OR7C1: variants seen among roughly 807,000 people sequenced by gnomAD.
The protein encoded by OR7C1 is olfactory receptor 7C1.
For missense variants in OR7C1, 324 were observed against 383.3 expected (o/e 0.85, Z 1.29); for synonymous variants, 152 against 160.7 (o/e 0.95, Z 0.41).
At chr19:14,805,321 C>T (rs766441311) in intron 2 of OR7C1, among the ~76,000 whole-genome samples, 1 of 151,532 alleles carries the variant, frequency 6.6e-6, no homozygotes, top group Non-Finnish European at 1.5e-5. Flanking sequence ...ACCCTGGTGC[C>T]TTCTGTAATC....
intron 2 of OR7C1, among the ~76,000 whole-genome samples, chr19:14,802,865 C>A (rs1380893077): frequency 6.6e-6 from 1 of 152,058 alleles, no homozygotes; most frequent in Non-Finnish European, 1.5e-5. Flanking sequence ...TACGCAGACA[C>A]CCAAAAAGTG....
intron 2 of OR7C1, among the ~76,000 whole-genome samples, chr19:14,808,858 G>A (rs181390561): frequency 6.6e-6 from 1 of 152,042 alleles, no homozygotes; most frequent in East Asian, 1.9e-4. Context: ...GAGTCATATC[G>A]GGGCCCAATT....
Position 14,835,129 on chromosome 19 carries a change from G to A in OR7C1, c.-678C>T, listed in dbSNP as rs143618048. 16 of 152,190 alleles carry A rather than the reference G, an allele frequency of 1.1e-4. No individual in the cohort carries two copies. In the East Asian group the frequency reaches 2.9e-3, roughly 28 times the overall value. 9.4% of individuals were successfully genotyped at this position (152,190 alleles called of 1,614,324 possible). ...TTGTGTAAGTGCAAATTCCTCACTG[G>A]ATGATTGATGGTGGAGACTGAAGCT... On this transcript the variant is annotated 5_prime_UTR_variant, in exon 1 of 5. Coordinates refer to ENST00000641666, the Ensembl canonical transcript of OR7C1.
At chr19:14,807,204 T>C (rs776853716) in intron 2 of OR7C1, among the ~76,000 whole-genome samples, 4 of 151,976 alleles carry the variant, frequency 2.6e-5, no homozygotes, top group Non-Finnish European at 5.9e-5. Context: ...TCTGTTCATG[T>C]AGGGATGGCC....
At chr19:14,826,997 C>G (rs2044773989) in intron 1 of OR7C1, 1 of 254,122 alleles carries the variant, frequency 3.9e-6, no homozygotes, top group Non-Finnish European at 7.4e-6. Flanking sequence ...AGGAGACATA[C>G]AACTCTTCCC....
At chr19:14,804,297 C>T (rs1483710857) in intron 2 of OR7C1, among the ~76,000 whole-genome samples, 1 of 152,178 alleles carries the variant, frequency 6.6e-6, no homozygotes, top group Non-Finnish European at 1.5e-5. Context: ...TATCAAATCA[C>T]TCTCTGGCCA....
intron 1 of OR7C1, among the ~76,000 whole-genome samples, chr19:14,817,438 C>T (rs934911793): frequency 1.3e-5 from 2 of 152,176 alleles, no homozygotes; most frequent in African/African-American, 4.8e-5. Flanking sequence ...GGACCTATGC[C>T]TCACTCTTTC....
intron 2 of OR7C1, among the ~76,000 whole-genome samples, chr19:14,802,877 GT>G (rs2044648422): frequency 6.6e-6 from 1 of 152,178 alleles, no homozygotes; most frequent in Non-Finnish European, 1.5e-5. Flanking sequence ...CAAAAAGTGG[GT>G]TTAGAAGCAG....
At chr19:14,807,906 A>G (rs908664601) in intron 2 of OR7C1, among the ~76,000 whole-genome samples, 1 of 151,400 alleles carries the variant, frequency 6.6e-6, no homozygotes, top group African/African-American at 2.4e-5. Context: ...AAAAAAAAAA[A>G]CAAACAAACA....
At chr19:14,823,876 A>G (rs545537155) in intron 1 of OR7C1, among the ~76,000 whole-genome samples, 1 of 148,010 alleles carries the variant, frequency 6.8e-6, no homozygotes, top group African/African-American at 2.5e-5. Flanking sequence ...AGCACCGTTT[A>G]TTGAAGAGAT....
exon 5 of OR7C1, chr19:14,799,194 T>G: frequency 6.2e-7 from 1 of 1,611,898 alleles, no homozygotes. Context: ...CCTGCAGTGA[T>G]GTCACCATTA....
At chr19:14,799,170 C>G in exon 5 of OR7C1, 1 of 1,598,308 alleles carries the variant, frequency 6.3e-7, no homozygotes. Flanking sequence ...CCAAGCCTTG[C>G]TACTTATGAA....
intron 1 of OR7C1, among the ~76,000 whole-genome samples, chr19:14,833,268 C>T (rs567018950): frequency 2.0e-5 from 3 of 152,312 alleles, no homozygotes; most frequent in South Asian, 2.1e-4. Context: ...CACTTGAGGT[C>T]GGGAGTTCAA....
chr19:14,800,185 C>G (rs777618006), intron 4 of OR7C1, 36 bp from the exon 5 acceptor site: 51 of 1,493,066 alleles, frequency 3.4e-5, no homozygotes, highest in Non-Finnish European at 4.6e-5. Context: ...AGTCAATTAT[C>G]AACACACTGG....
rs767714047 is a variant in OR7C1 at position 14,827,911 on chromosome 19, C to A, written c.-623+7163G>T. ...GCCATCACGGACAGGAGGAAGTTTT[C>A]AAATCCAGCAAAGAGTATGAAAAAA... On this transcript the variant is annotated intron_variant, in intron 1 of 4. Transcript: ENST00000641666. The A allele has an allele frequency of 1.9e-6, 3 of 1,614,178 alleles. No individual in the cohort carries two copies. The Admixed American group carries it at 5.0e-5, about 27-fold the overall frequency.
chr19:14,819,364 C>T (rs1360309338), intron 1 of OR7C1, among the ~76,000 whole-genome samples: 1 of 152,012 alleles, frequency 6.6e-6, no homozygotes, highest in Non-Finnish European at 1.5e-5. Context: ...CGTTCCCCTC[C>T]CTGTGTCCCC....
chr19:14,816,090 G>A lies in OR7C1; in HGVS notation c.-622-6097C>T, dbSNP rs7343131. ...TCCACCCCACTTGGCCTCCCAAAAT[G>A]TTGGGATTACAGACATGAGCCGCCA... On this transcript the variant is annotated intron_variant, in intron 1 of 4. Coordinates refer to ENST00000641666, the Ensembl canonical transcript of OR7C1. Among the ~76,000 whole-genome samples, 418 of 152,200 alleles carry A rather than the reference G, an allele frequency of 2.7e-3. 2 individuals carry two copies. Among genetic ancestry groups the A allele is most frequent in the African/African-American group, 9.7e-3 (403 of 41,538 alleles).
intron 1 of OR7C1, among the ~76,000 whole-genome samples, chr19:14,833,184 A>AAAC (rs200248514): frequency 0.019 from 2,911 of 152,346 alleles, 58 homozygotes; most frequent in Admixed American, 0.044. Context: ...GAGGAATTAA[A>AAAC]AACTTCAATA....
chr19:14,820,688 G>T (rs1251557195), intron 1 of OR7C1, among the ~76,000 whole-genome samples: 1 of 152,208 alleles, frequency 6.6e-6, no homozygotes, highest in Non-Finnish European at 1.5e-5. Flanking sequence ...GGAAAGGGCA[G>T]AAAACAATGG....
Sources: gnomAD v4.1 joint callset for allele counts (sites outside exome capture counted in the v4.1 genomes callset) on GRCh38, gnomAD v4.1.1 for gene constraint, MANE v1.5 for transcripts, NCBI Gene and HGNC (gene_info 2026-07-23, HGNC 2026-07-21) for gene names.